Variants in NBEAL2 observed in about 807,000 individuals in gnomAD.
NBEAL2 encodes the protein neurobeachin-like protein 2.
A neutral mutation model predicts 299.8 loss-of-function variants in NBEAL2; 160 were observed. That is an observed-to-expected ratio of 0.53 (90% CI 0.47 to 0.61). The LOEUF (loss-of-function observed/expected upper bound fraction) is 0.61. Ranked by LOEUF, NBEAL2 falls within the 20% of genes least tolerant of loss-of-function variation. The pLI is 0.00. For missense variants in NBEAL2, 3,112 were observed against 3,649.0 expected (o/e 0.85, Z 3.79); for synonymous variants, 1,493 against 1,542.3 (o/e 0.97, Z 0.75).
chr3:46,996,921 A>T, intron 17 of NBEAL2, 33 bp from the exon 18 acceptor site: 1 of 1,610,268 alleles, frequency 6.2e-7, no homozygotes, highest in Non-Finnish European at 8.5e-7. Context: ...CCTCCCTCTG[A>T]CCCTGGCTGC....
rs988277609 is a variant in NBEAL2 at position 47,001,519 on chromosome 3, T to C, written c.4644+81T>C. ...GCAGGGATCTGGTCTGGGAGGTGGA[T>C]GGGTACACGTGCGCAGGTGTGGGTG... is the stretch of plus-strand genomic sequence containing the variant. On this transcript the variant is annotated intron_variant, in intron 29 of 53. Transcript: ENST00000450053. This position sits in a 1 kb window ranked among gnomAD's most constrained non-coding sequence, Gnocchi z 6.1. The C allele has an allele frequency of 2.6e-6, 4 of 1,559,328 alleles. No individual in the cohort carries two copies. The highest frequency in any genetic ancestry group is 3.5e-6 in the Non-Finnish European group (4 of 1,151,476).
chr3:47,008,116 A>G lies in NBEAL2; in HGVS notation c.7649A>G (p.Tyr2550Cys). Residue 2550 changes from tyrosine (Y) to cysteine (C), a missense_variant, in exon 50 of 54, where the codon TAT becomes TGT. Around this residue, in one of 3 missense-constraint regions of NBEAL2, gnomAD observed 348 missense variants for 381.4 expected, o/e 0.91. Transcript: ENST00000450053. ...GLAPKPVQVL[Y>C]GHGAAVSCVA... The stretch of plus-strand genomic sequence containing the variant: ...GCACCAAAGCCTGTGCAGGTCCTGT[A>G]TGGGCATGGGGCTGCAGTGAGCTGT... The G allele has an allele frequency of 6.2e-7, 1 of 1,613,978 alleles. No individual in the cohort carries two copies. Among genetic ancestry groups the G allele is most frequent in the Non-Finnish European group, 8.5e-7 (1 of 1,179,868 alleles).
chr3:46,998,128 T>A lies in NBEAL2; in HGVS notation c.3020T>A (p.Val1007Glu). Residue 1007 changes from valine to glutamate, a missense_variant, in exon 21 of 54, where the codon GTG (valine) becomes GAG (glutamate). This residue lies in a region of NBEAL2 where 2,243 missense variants were observed against 2,538.1 expected (regional missense o/e 0.88). Transcript: ENST00000450053. ...LMSAQLLMEQVAAEGSGPLLY... is the reference protein window; with the variant it reads ...LMSAQLLMEQEAAEGSGPLLY... ...TCCGCCCAGCTGCTGATGGAGCAGG[T>A]GGCAGCTGAGGGCAGCGGGCCCCTC... The A allele has an allele frequency of 6.3e-7, 1 of 1,590,974 alleles. No individual in the cohort carries two copies. The highest frequency in any genetic ancestry group is 8.6e-7 in the Non-Finnish European group (1 of 1,168,818).
rs902885415 is a variant in NBEAL2 at position 46,998,970 on chromosome 3, G to A, written c.3396G>A (p.Ala1132=). Residue 1132 remains alanine, a synonymous_variant, in exon 24 of 54, where the codon GCG becomes GCA. Transcript: ENST00000450053. The part of the protein sequence containing the change: ...ATGDDGQAVG[A]LDLLLALLHG... ...CCCTGCATCCCCAGGCGGTGGGTGC[G>A]CTGGACCTGCTGCTGGCCCTGCTGC... 8 of 1,606,660 alleles carry A rather than the reference G, an allele frequency of 5.0e-6. No homozygotes were observed. The South Asian group carries it at 5.6e-5, about 11-fold the overall frequency.
rs1176161144 is a variant in NBEAL2 at position 47,003,777 on chromosome 3, C to G, written c.5721-39C>G. On this transcript the variant is annotated intron_variant, in intron 35 of 53. Transcript: ENST00000450053. This position sits in a 1 kb window ranked among gnomAD's most constrained non-coding sequence, Gnocchi z 7.0. Reference sequence around the variant, plus strand: ...CCTTTGGGCTTGTGAAGAAGGGGGTCCCAGAGCCTACAGCGTGAGGTGGGT... The same window carrying G: ...CCTTTGGGCTTGTGAAGAAGGGGGTGCCAGAGCCTACAGCGTGAGGTGGGT... The G allele has an allele frequency of 6.5e-7, 1 of 1,539,968 alleles. No homozygotes were observed. Among genetic ancestry groups the G allele is most frequent in the South Asian group, 1.2e-5 (1 of 81,124 alleles).
At position 47,005,618 on chromosome 3, in the gene NBEAL2, C is replaced by T. The variant is rs774311747; in HGVS notation, c.6690C>T (p.Asn2230=). 3.7e-6 allele frequency: 6 copies of T among 1,613,522 alleles called. No individual in the cohort carries two copies. Among genetic ancestry groups the T allele is most frequent in the Middle Eastern group, 1.6e-4 (1 of 6,084 alleles). Residue 2230 remains asparagine, a splice_region_variant and synonymous_variant, in exon 41 of 54, where the codon AAC becomes AAT. Coordinates refer to ENST00000450053, the MANE Select transcript of NBEAL2 (RefSeq NM_015175.3). ...TTCCTGACTTCCTGGAGAACCAGAA[C>T]GGTAGGTGTGAGGTGCTCACACTGG... ...FYFPDFLENQ[N]GFDLGCLQLT...
rs886058600 is a variant in NBEAL2 at position 47,001,326 on chromosome 3, C to T, written c.4532C>T (p.Ala1511Val). Residue 1511 changes from alanine to valine, a missense_variant, in exon 29 of 54, where the codon GCC becomes GTC. By Grantham distance (64) the Ala-to-Val change is moderately conservative. This residue lies in a region of NBEAL2 where 2,243 missense variants were observed against 2,538.1 expected (regional missense o/e 0.88). Coordinates refer to ENST00000450053, the MANE Select transcript of NBEAL2 (RefSeq NM_015175.3). This position sits in a 1 kb window ranked among gnomAD's most constrained non-coding sequence, Gnocchi z 6.1. ...TCAGCCCTGACCGACATCAAAGAGG[C>T]CCCCGTGGGGGTCCTGGCCAGCCTC... ...LESALTDIKEAPVGVLASLTQ... is the reference protein window; with the variant it reads ...LESALTDIKEVPVGVLASLTQ... 4.3e-6 allele frequency: 7 copies of T among 1,612,776 alleles called. No homozygotes were observed. The highest frequency in any genetic ancestry group is 4.0e-5 in the African/African-American group (3 of 74,894).
intron 6 of NBEAL2, among the ~76,000 whole-genome samples, chr3:46,990,050 C>T (rs1252220301): frequency 6.6e-6 from 1 of 152,160 alleles, no homozygotes; most frequent in African/African-American, 2.4e-5. Flanking sequence ...AACCTGTTCT[C>T]CCTGGTGACC....
In NBEAL2 at chr3:46,999,704, A is replaced by G. The variant is rs763174070; in HGVS notation, c.3778A>G (p.Ile1260Val). ...LQADLSVRLD[I>V]CRQLFHLIYG... ...GGCTGACCTCAGCGTTCGCCTAGACATCTGTCGCCAGGTGAGCATGAGAGG... is the reference window on the plus strand; with the variant it reads ...GGCTGACCTCAGCGTTCGCCTAGACGTCTGTCGCCAGGTGAGCATGAGAGG... The change falls in exon 26 of 54, where the codon ATC (isoleucine) becomes GTC (valine). Residue 1260 changes from isoleucine (I) to valine (V), a missense_variant. Around this residue, in one of 3 missense-constraint regions of NBEAL2, gnomAD observed 2,243 missense variants for 2,538.1 expected, o/e 0.88. Coordinates refer to ENST00000450053, the MANE Select transcript of NBEAL2 (RefSeq NM_015175.3). 6.2e-7 allele frequency: 1 copy of G among 1,613,180 alleles called. No individual in the cohort carries two copies. The highest frequency in any genetic ancestry group is 8.5e-7 in the Non-Finnish European group (1 of 1,179,738).
At chr3:46,994,330 C>T in intron 11 of NBEAL2, 125 bp from the exon 12 acceptor site, 1 of 865,662 alleles carries the variant, frequency 1.2e-6, no homozygotes, top group Non-Finnish European at 1.9e-6. Context: ...CCAGCACTGT[C>T]ACCCAGAGGC....
In NBEAL2 at chr3:47,008,938, G is replaced by A. The variant is rs369080091; in HGVS notation, c.8028-51G>A. ...ATGGGATAAGGGATATCTGCTGGTC[G>A]CAAAGCCCCCTTGCAGTCGCAAGTT... On this transcript the variant is annotated intron_variant, in intron 52 of 53. Transcript: ENST00000450053. 2.7e-4 allele frequency: 433 copies of A among 1,596,804 alleles called. No homozygotes were observed. In the African/African-American group the frequency reaches 4.8e-3, roughly 18 times the overall value.
chr3:47,002,529 C>T lies in NBEAL2; in HGVS notation c.5301+9C>T, dbSNP rs1298921833. The T allele has an allele frequency of 6.2e-7, 1 of 1,612,064 alleles. No individual in the cohort carries two copies. Among genetic ancestry groups the T allele is most frequent in the East Asian group, 2.2e-5 (1 of 44,870 alleles). On this transcript the variant is annotated intron_variant, in intron 32 of 53. Transcript: ENST00000450053. ...GTCGTCGGGCCTTCCAGGTGTGCCA[C>T]CCGGGGTAAGGGATGGGAAACTGCT... is the stretch of plus-strand genomic sequence containing the variant.
Position 47,007,920 on chromosome 3 carries a change from G to A in NBEAL2, c.7602+10G>A, listed in dbSNP as rs201513299. 371 of 1,609,872 alleles carry A rather than the reference G, an allele frequency of 2.3e-4. 1 individual carries two copies. In the African/African-American group the frequency reaches 3.6e-3, roughly 16 times the overall value. On this transcript the variant is annotated intron_variant, in intron 49 of 53. Transcript: ENST00000450053. ...GCGGCTCCTGCATCAGGTGTGCCTC[G>A]TGGGCAGCTCTGTGGGGCCCCCGTA...
intron 1 of NBEAL2, among the ~76,000 whole-genome samples, chr3:46,983,198 T>G (rs1344245138): frequency 1.3e-5 from 2 of 152,046 alleles, no homozygotes; most frequent in South Asian, 2.1e-4. Flanking sequence ...GGAGGCAACC[T>G]CGTCCTGCCT....
rs2037188255 is a variant in NBEAL2, at chr3:47,003,454, G to A, written c.5720+145G>A. On this transcript the variant is annotated intron_variant, in intron 35 of 53. Coordinates refer to ENST00000450053, the MANE Select transcript of NBEAL2 (RefSeq NM_015175.3). This position sits in a 1 kb window ranked among gnomAD's most constrained non-coding sequence, Gnocchi z 7.0. ...CCCCTGAAGGGACTGTCCAAAGCCA[G>A]ATGGTGAGTGGGAGAGTCTCCTAAC... 1.6e-6 allele frequency: 2 copies of A among 1,219,428 alleles called. No homozygotes were observed. Among genetic ancestry groups the A allele is most frequent in the South Asian group, 1.6e-5 (1 of 62,784 alleles). The allele number at this position is 1,219,428 out of a possible 1,614,324, so 75.5% of individuals were successfully genotyped here.
Position 46,999,378 on chromosome 3 carries a change from C to T in NBEAL2, c.3607C>T (p.Arg1203Trp), listed in dbSNP as rs769438781. The change falls in exon 25 of 54, where the codon CGG becomes TGG. Residue 1203 changes from arginine to tryptophan, a missense_variant. This residue lies in a region of NBEAL2 where 2,243 missense variants were observed against 2,538.1 expected (regional missense o/e 0.88). Coordinates refer to ENST00000450053, the MANE Select transcript of NBEAL2 (RefSeq NM_015175.3). ...PERSRQRLRL[R>W]ECGLQGLVAC... is the part of the protein sequence containing the mutation. ...GCGGAGCCGCCAGCGCCTCCGGCTG[C>T]GGGAGTGTGGTCTCCAGGGTCTGGT... is the stretch of plus-strand genomic sequence containing the variant. 22 of 1,607,402 alleles carry T rather than the reference C, an allele frequency of 1.4e-5. No individual in the cohort carries two copies. Among genetic ancestry groups the T allele is most frequent in the South Asian group, 7.8e-5 (7 of 90,000 alleles).
Position 46,997,015 on chromosome 3 carries a change from C to T in NBEAL2, c.2618C>T (p.Thr873Met), listed in dbSNP as rs767773399. The T allele has an allele frequency of 4.3e-6, 7 of 1,613,210 alleles. No individual in the cohort carries two copies. The highest frequency in any genetic ancestry group is 2.2e-5 in the East Asian group (1 of 44,900). Reference sequence around the variant, plus strand: ...AGTCATGGGCTTGATGGGCGCCTGACGGGCCACAGAGTGGAGACCTGGGAT... The same window carrying T: ...AGTCATGGGCTTGATGGGCGCCTGATGGGCCACAGAGTGGAGACCTGGGAT... ...SPSHGLDGRL[T>M]GHRVETWDVK... The change falls in exon 18 of 54, where the codon ACG becomes ATG. Residue 873 changes from threonine (T) to methionine (M), a missense_variant. Thr to Met is a moderately conservative substitution (Grantham distance 81, BLOSUM62 -1). Coordinates refer to ENST00000450053, the MANE Select transcript of NBEAL2 (RefSeq NM_015175.3).
At chr3:47,008,783 G>A (rs1472372174) in intron 52 of NBEAL2, 115 bp downstream of exon 52, 1 of 1,506,164 alleles carries the variant, frequency 6.6e-7, no homozygotes, top group African/African-American at 1.4e-5. Flanking sequence ...TTCAAGGTTT[G>A]TTACCTGTCC....
At chr3:47,005,690 G>GT (rs397792475) in intron 41 of NBEAL2, 48 bp from the exon 42 acceptor site, 2 of 1,612,856 alleles carry the variant, frequency 1.2e-6, no homozygotes, top group African/African-American at 2.7e-5. Context: ...GTGGCCAGGG[G>GT]GCAGTCGGGA....
Sources: gnomAD v4.1 joint callset for allele counts (sites outside exome capture counted in the v4.1 genomes callset) on GRCh38, gnomAD v4.1.1 for gene constraint, gnomAD v4.1.1 regional missense constraint, Gnocchi (gnomAD v3.1) non-coding constraint, MANE v1.5 for transcripts, NCBI Gene and HGNC (gene_info 2026-07-23, HGNC 2026-07-21) for gene names.